DLGAP2: variants seen among roughly 807,000 people sequenced by gnomAD.
DLGAP2 encodes the protein DLG associated protein 2, also known as disks large-associated protein 2.
Under a neutral mutation model 100.3 loss-of-function variants are expected in DLGAP2, and 26 were observed. The observed-to-expected ratio is 0.26, with a 90% CI of 0.19 to 0.36. The LOEUF is 0.36. Among genes scored for constraint, DLGAP2 ranks in the 10% least tolerant of loss-of-function variants. DLGAP2 has a pLI of 1.00. For missense variants in DLGAP2, 1,858 were observed against 1,453.2 expected, an observed-to-expected ratio of 1.28 and a Z score of -4.53; for synonymous variants, 886 against 630.1, an observed-to-expected ratio of 1.41 and a Z score of -6.08.
intron 8 of DLGAP2, among the ~76,000 whole-genome samples, chr8:1,637,655 A>C (rs1488469585): frequency 2.0e-5 from 3 of 152,236 alleles, no homozygotes; most frequent in Non-Finnish European, 4.4e-5. Flanking sequence ...TCTAAAGAAA[A>C]GATCAAATTA....
At chr8:1,019,685 A>C (rs1801573804) in intron 2 of DLGAP2, 1 of 152,180 alleles carries the variant, frequency 6.6e-6, no homozygotes, top group Admixed American at 6.5e-5. Flanking sequence ...GTGATTATAC[A>C]TATAAAGATA....
At chr8:1,201,048 G>A (rs574590330) in intron 2 of DLGAP2, among the ~76,000 whole-genome samples, 1 of 152,184 alleles carries the variant, frequency 6.6e-6, no homozygotes, top group African/African-American at 2.4e-5. Flanking sequence ...AGTGTGGCGT[G>A]AGCGGCCAGG....
At chr8:1,222,210 G>C (rs949489187) in intron 2 of DLGAP2, among the ~76,000 whole-genome samples, 4 of 152,236 alleles carry the variant, frequency 2.6e-5, no homozygotes, top group Non-Finnish European at 5.9e-5. Flanking sequence ...TGTGTGGGCT[G>C]ATGTTACTTT....
chr8:804,252 G>T (rs1333293774), intron 1 of DLGAP2, among the ~76,000 whole-genome samples: 2 of 152,188 alleles, frequency 1.3e-5, no homozygotes, highest in Non-Finnish European at 2.9e-5. Flanking sequence ...TTAGTCCAAT[G>T]ATTCTGGGGT....
chr8:1,091,387 C>T (rs11787487), intron 2 of DLGAP2, among the ~76,000 whole-genome samples: 6 of 152,196 alleles, frequency 3.9e-5, no homozygotes, highest in African/African-American at 7.2e-5. Context: ...CAGTGTTTCG[C>T]GGCCTCAGTG....
At chr8:1,625,642 A>G (rs934298198) in intron 6 of DLGAP2, among the ~76,000 whole-genome samples, 3 of 152,226 alleles carry the variant, frequency 2.0e-5, no homozygotes, top group African/African-American at 4.8e-5. Flanking sequence ...CAGAGAGCCA[A>G]TAATTTTTAT....
At chr8:923,147 G>A (rs1426938527) in intron 2 of DLGAP2, among the ~76,000 whole-genome samples, 2 of 152,098 alleles carry the variant, frequency 1.3e-5, no homozygotes, top group Non-Finnish European at 2.9e-5. Context: ...CAGGTTATCC[G>A]GGCTGTGTCA....
At position 1,041,695 on chromosome 8, in the gene DLGAP2, C is replaced by T. The variant is rs34140026; in HGVS notation, c.73+133729C>T. Among the ~76,000 whole-genome samples the T allele has an allele frequency of 9.3e-3, 761 of 81,918 alleles. 6 individuals are homozygous for T. Among genetic ancestry groups the T allele is most frequent in the Admixed American group, 0.015 (117 of 7,580 alleles). 53.7% of individuals were successfully genotyped at this position (81,918 alleles called of 152,430 possible). ...CCCCTTGCCGTGGGTGAGTGTTCTC[C>T]GAGCCCCTTGCCGTGGGTGAGTGTT... On this transcript the variant is annotated intron_variant, in intron 2 of 14. Transcript: ENST00000637795.
At chr8:833,479 C>G (rs1225702752) in intron 1 of DLGAP2, among the ~76,000 whole-genome samples, 1 of 152,134 alleles carries the variant, frequency 6.6e-6, no homozygotes, top group Non-Finnish European at 1.5e-5. Context: ...TGGCTTGTGG[C>G]CCCACCTCCA....
At chr8:1,148,381 T>G (rs1318038583) in intron 2 of DLGAP2, among the ~76,000 whole-genome samples, 1 of 152,140 alleles carries the variant, frequency 6.6e-6, no homozygotes, top group African/African-American at 2.4e-5. Context: ...TTTATCAATA[T>G]TACTAGTCTT....
chr8:1,668,216 G>A lies in DLGAP2; in HGVS notation c.1811-113G>A, dbSNP rs899260216. On this transcript the variant is annotated intron_variant, in intron 8 of 14. Coordinates refer to ENST00000637795, the MANE Select transcript of DLGAP2 (RefSeq NM_001346810.2). ...TTCACGCTATTTTTTTAGGCTAGAC[G>A]TCCAGGAACAGACTTGCTCCGTCAA... The A allele has an allele frequency of 1.3e-5, 13 of 978,878 alleles. No individual in the cohort carries two copies. In the Admixed American group the frequency reaches 2.5e-4, roughly 19 times the overall value. The allele number at this position is 978,878 out of a possible 1,614,324, so 60.6% of individuals were successfully genotyped here. A position where few individuals can be genotyped will look rare whatever the true frequency, so the allele number is the denominator to read the frequency against.
chr8:1,332,772 G>A (rs1312449876), intron 3 of DLGAP2, among the ~76,000 whole-genome samples: 4 of 152,206 alleles, frequency 2.6e-5, no homozygotes, highest in Non-Finnish European at 5.9e-5. Context: ...TGAGGCTGCA[G>A]GTAGCTCTCT....
chr8:1,488,587 G>T (rs1344793408), intron 3 of DLGAP2, among the ~76,000 whole-genome samples: 1 of 152,164 alleles, frequency 6.6e-6, no homozygotes, highest in Non-Finnish European at 1.5e-5. Context: ...GCCAAGAGGT[G>T]AGCAGTAAAT....
At chr8:1,441,275 T>TA (rs1797824467) in intron 3 of DLGAP2, among the ~76,000 whole-genome samples, 2 of 152,222 alleles carry the variant, frequency 1.3e-5, no homozygotes, top group Non-Finnish European at 2.9e-5. Context: ...CGTTGTATTT[T>TA]AAAATTGCAT....
At chr8:1,105,000 A>C (rs950401006) in intron 2 of DLGAP2, 10 of 152,200 alleles carry the variant, frequency 6.6e-5, no homozygotes, top group Admixed American at 1.3e-4. Flanking sequence ...AGTGGTCGGC[A>C]GCGGCCAGCC....
rs1207637489 is a variant in DLGAP2 at position 931,958 on chromosome 8, G to A, written c.73+23992G>A. Among the ~76,000 whole-genome samples, 6 of 152,122 alleles carry A rather than the reference G, an allele frequency of 3.9e-5. No individual in the cohort carries two copies. The South Asian group carries it at 1.2e-3, about 32-fold the overall frequency. ...TTGGTCCCCATGGCTGGAAGGAAAC[G>A]GAGGAATGTTTGCCTCATGTACGTT... is the stretch of plus-strand genomic sequence containing the variant. On this transcript the variant is annotated intron_variant, in intron 2 of 14. Coordinates refer to ENST00000637795, the MANE Select transcript of DLGAP2 (RefSeq NM_001346810.2).
chr8:813,145 G>A (rs1002496561), intron 1 of DLGAP2, among the ~76,000 whole-genome samples: 2 of 151,968 alleles, frequency 1.3e-5, no homozygotes, highest in African/African-American at 2.4e-5. Flanking sequence ...CCAACAAAAT[G>A]CAACATAAAA....
At chr8:1,208,175 C>A (rs553144876) in intron 2 of DLGAP2, among the ~76,000 whole-genome samples, 1 of 152,178 alleles carries the variant, frequency 6.6e-6, no homozygotes, top group African/African-American at 2.4e-5. Flanking sequence ...ATGCCATCTT[C>A]TAGAATATTT....
rs190892733 is a variant in DLGAP2 at position 794,286 on chromosome 8, C to T, written c.18+56461C>T. On this transcript the variant is annotated intron_variant, in intron 1 of 14. Transcript: ENST00000637795. Reference sequence around the variant, plus strand: ...TGCTGGCTGTTGAGACCAGCTCGGTCGGGGAGACCCTAACCCAGTGGTGCT... The same window carrying T: ...TGCTGGCTGTTGAGACCAGCTCGGTTGGGGAGACCCTAACCCAGTGGTGCT... Among the ~76,000 whole-genome samples, 19 of 151,960 alleles carry T rather than the reference C, an allele frequency of 1.3e-4. No individual in the cohort carries two copies. The East Asian group carries it at 1.4e-3, about 11-fold the overall frequency.
Sources: allele counts gnomAD v4.1 joint callset (sites outside exome capture counted in the v4.1 genomes callset), GRCh38; gene constraint gnomAD v4.1.1; transcripts MANE v1.5; gene names NCBI Gene and HGNC (gene_info 2026-07-23, HGNC 2026-07-21).